Variants in APBA2 observed in about 807,000 individuals in gnomAD.
APBA2 encodes the protein amyloid-beta A4 precursor protein-binding family A member 2.
In APBA2, 30 loss-of-function variants were observed where a neutral mutation model predicts 75.0. The ratio of observed to expected loss-of-function variants is 0.40; its 90% CI spans 0.30 to 0.54. APBA2 has a LOEUF of 0.54. Among genes scored for constraint, APBA2 ranks in the 20% least tolerant of loss-of-function variants. The pLI is 0.49. For synonymous variants in APBA2, 444 were observed against 409.6 expected (o/e 1.08, Z -1.01); for missense variants, 801 against 1,016.1 (o/e 0.79, Z 2.88).
chr15:29,104,576 A>T (rs2044304291), intron 10 of APBA2, among the ~76,000 whole-genome samples: 1 of 152,236 alleles, frequency 6.6e-6, no homozygotes. Context: ...GACGTGCTTC[A>T]TGGGGCCTGT....
intron 3 of APBA2, among the ~76,000 whole-genome samples, chr15:29,041,653 A>G (rs2041052849): frequency 1.3e-5 from 2 of 152,286 alleles, no homozygotes; most frequent in Middle Eastern, 3.4e-3. Flanking sequence ...AGATATATTT[A>G]TATTTTGGAA....
intron 3 of APBA2, among the ~76,000 whole-genome samples, chr15:29,030,189 G>A (rs771211886): frequency 3.3e-5 from 5 of 152,196 alleles, no homozygotes; most frequent in Non-Finnish European, 7.3e-5. Context: ...ACCGGGCCCG[G>A]TGGCTCACGC....
chr15:28,988,170 C>T lies in APBA2; in HGVS notation c.-94-7583C>T, dbSNP rs146640003. 1.4e-3 allele frequency among the ~76,000 whole-genome samples: 220 copies of T among 152,176 alleles called. 1 individual carries two copies. The highest frequency in any genetic ancestry group is 4.9e-3 in the African/African-American group (205 of 41,524). On this transcript the variant is annotated intron_variant, in intron 2 of 14. Coordinates refer to ENST00000683413, the MANE Select transcript of APBA2 (RefSeq NM_001353788.2). ...TTGAAGTTTGATCCTTGTTTATGGC[C>T]TAGTACATGTATAAGTATTTCTATC...
chr15:28,891,162 T>C (rs552609723), intron 1 of APBA2, among the ~76,000 whole-genome samples: 99 of 152,368 alleles, frequency 6.5e-4, no homozygotes, highest in Middle Eastern at 6.8e-3. Context: ...GGCAATTCTG[T>C]GTGTTGAGTT....
Position 29,116,021 on chromosome 15 carries a change from G to C in APBA2, c.2179-1041G>C, listed in dbSNP as rs545823120. On this transcript the variant is annotated intron_variant, in intron 14 of 14. Transcript: ENST00000683413. ...ACAGTCCCGGGCAGGACAGGGGAGAGCGTCGTGCTCAGGAGAGGAGAAGTG... is the reference window on the plus strand; with the variant it reads ...ACAGTCCCGGGCAGGACAGGGGAGACCGTCGTGCTCAGGAGAGGAGAAGTG... 3.3e-5 allele frequency among the ~76,000 whole-genome samples: 5 copies of C among 152,318 alleles called. No individual in the cohort carries two copies. In the South Asian group the frequency reaches 8.3e-4, roughly 25 times the overall value.
chr15:29,083,795 T>C (rs1450829433), intron 6 of APBA2, among the ~76,000 whole-genome samples: 1 of 152,140 alleles, frequency 6.6e-6, no homozygotes, highest in Admixed American at 6.6e-5. Flanking sequence ...CCTCCCAAAG[T>C]GCTGGGATTA....
At chr15:29,020,859 CA>C (rs1360762298) in intron 3 of APBA2, among the ~76,000 whole-genome samples, 4 of 151,964 alleles carry the variant, frequency 2.6e-5, no homozygotes, top group Non-Finnish European at 5.9e-5. Context: ...CCCAAACAAA[CA>C]AAAAACCAGA....
chr15:29,042,654 G>A (rs1008625707), intron 3 of APBA2, among the ~76,000 whole-genome samples: 2 of 152,000 alleles, frequency 1.3e-5, no homozygotes, highest in Admixed American at 6.6e-5. Context: ...GCCATAACAC[G>A]GATGTGGCTT....
At chr15:29,095,546 A>G (rs1386390424) in intron 8 of APBA2, among the ~76,000 whole-genome samples, 3 of 152,246 alleles carry the variant, frequency 2.0e-5, no homozygotes, top group Non-Finnish European at 2.9e-5. Context: ...AGTTGGTGTC[A>G]CAAGGCCTGG....
chr15:28,929,389 A>G (rs533405580), intron 2 of APBA2, among the ~76,000 whole-genome samples: 4 of 152,264 alleles, frequency 2.6e-5, no homozygotes, highest in African/African-American at 9.6e-5. Flanking sequence ...GTTTCAGTGA[A>G]TTTGCGACAC....
intron 4 of APBA2, among the ~76,000 whole-genome samples, chr15:29,061,868 G>A (rs2042142048): frequency 6.6e-6 from 1 of 152,254 alleles, no homozygotes; most frequent in Non-Finnish European, 1.5e-5. Context: ...CTTTACAGAA[G>A]AGGACTGAGA....
rs77584663 is a variant in APBA2, at chr15:28,926,001, T to G, written c.-95+4252T>G. ...TGAAATTAATAATGGTACTCCAACT[T>G]ACTTTGATTAGAGTTAGCATGGTAT... On this transcript the variant is annotated intron_variant, in intron 2 of 14. Coordinates refer to ENST00000683413, the MANE Select transcript of APBA2 (RefSeq NM_001353788.2). Among the ~76,000 whole-genome samples the G allele has an allele frequency of 6.5e-3, 989 of 152,314 alleles. 9 individuals are homozygous for G. Among genetic ancestry groups the G allele is most frequent in the African/African-American group, 0.022 (922 of 41,576 alleles).
intron 4 of APBA2, among the ~76,000 whole-genome samples, chr15:29,065,691 C>G (rs776625822): frequency 4.3e-4 from 66 of 152,166 alleles, no homozygotes; most frequent in Admixed American, 3.9e-4. Flanking sequence ...AAGTTGGTCT[C>G]TCTCCAGCTG....
At chr15:28,924,917 A>G (rs2034178411) in intron 2 of APBA2, among the ~76,000 whole-genome samples, 1 of 151,966 alleles carries the variant, frequency 6.6e-6, no homozygotes, top group African/African-American at 2.4e-5. Context: ...CCTAGCCAAC[A>G]CTTGTTAGTT....
intron 1 of APBA2, among the ~76,000 whole-genome samples, chr15:28,917,635 C>T (rs1037256480): frequency 2.6e-5 from 4 of 151,828 alleles, no homozygotes; most frequent in Non-Finnish European, 4.4e-5. Context: ...GTGGTACATT[C>T]GTTACCATTG....
At chr15:29,063,790 C>A (rs2042256470) in intron 4 of APBA2, among the ~76,000 whole-genome samples, 2 of 151,958 alleles carry the variant, frequency 1.3e-5, no homozygotes, top group African/African-American at 2.4e-5. Flanking sequence ...AGTCCCTGCA[C>A]CCAGTTTGGG....
intron 2 of APBA2, among the ~76,000 whole-genome samples, chr15:28,963,993 G>A (rs1306303191): frequency 1.3e-5 from 2 of 152,192 alleles, no homozygotes; most frequent in Non-Finnish European, 2.9e-5. Flanking sequence ...GCAAAGGACT[G>A]CCTCATGCTA....
intron 1 of APBA2, among the ~76,000 whole-genome samples, chr15:28,888,812 T>G (rs1222948644): frequency 2.0e-5 from 3 of 152,146 alleles, no homozygotes; most frequent in African/African-American, 7.2e-5. Flanking sequence ...TCTCAGTTCC[T>G]CACCCTTGCC....
intron 1 of APBA2, among the ~76,000 whole-genome samples, chr15:28,891,316 T>C (rs1403940567): frequency 6.6e-6 from 1 of 152,222 alleles, no homozygotes; most frequent in Non-Finnish European, 1.5e-5. Context: ...GGGGCAGTGC[T>C]GGCCTTTGAG....
Sources: gnomAD v4.1 joint callset for allele counts (sites outside exome capture counted in the v4.1 genomes callset) on GRCh38, gnomAD v4.1.1 for gene constraint, MANE v1.5 for transcripts, NCBI Gene and HGNC (gene_info 2026-07-23, HGNC 2026-07-21) for gene names.